Variants in COG1 observed in about 807,000 individuals in gnomAD.
The protein encoded by COG1 is component of oligomeric golgi complex 1.
A neutral mutation model predicts 102.2 loss-of-function variants in COG1; 61 were observed. The observed-to-expected ratio is 0.60, with a 90% confidence interval of 0.49 to 0.74. The LOEUF (loss-of-function observed/expected upper bound fraction) is 0.74, where lower values mean the gene tolerates loss of function less well. Ranked by LOEUF, COG1 falls within the 30% of genes least tolerant of loss-of-function variation. The pLI is 0.00. For synonymous variants in COG1, 454 were observed against 493.6 expected (o/e 0.92, Z 1.06); for missense variants, 1,164 against 1,232.1 (o/e 0.94, Z 0.83).
Position 73,196,668 on chromosome 17 carries a change from G to A in COG1, c.477G>A (p.Leu159=). ...GCCACCTCCACAGCCTGCTCCAGCTGGATTCTTCTAGTTCCCGATACAGTC... is the reference window on the plus strand; with the variant it reads ...GCCACCTCCACAGCCTGCTCCAGCTAGATTCTTCTAGTTCCCGATACAGTC... The part of the protein sequence containing the change: ...LCCHLHSLLQ[L]DSSSSRYSPV... Residue 159 remains leucine, a synonymous_variant, in exon 2 of 14, where the codon CTG becomes CTA. Coordinates refer to ENST00000299886, the MANE Select transcript of COG1 (RefSeq NM_018714.3). 1.2e-6 allele frequency: 2 copies of A among 1,614,150 alleles called. No homozygotes were observed. Among genetic ancestry groups the A allele is most frequent in the Non-Finnish European group, 1.7e-6 (2 of 1,180,034 alleles).
intron 1 of COG1, among the ~76,000 whole-genome samples, chr17:73,193,944 G>C (rs977905659): frequency 3.3e-5 from 5 of 152,004 alleles, no homozygotes; most frequent in Non-Finnish European, 5.9e-5. Flanking sequence ...CAAAGTGCTG[G>C]GATTACAGTC....
chr17:73,196,697 T>C lies in COG1; in HGVS notation c.506T>C (p.Val169Ala). 1 of 1,614,094 alleles carries C rather than the reference T, an allele frequency of 6.2e-7. No homozygotes were observed. ...TCTTCTAGTTCCCGATACAGTCCCG[T>C]CCTCTCCCGGTTTCCTATACTCATC... is the stretch of plus-strand genomic sequence containing the variant. ...LDSSSSRYSP[V>A]LSRFPILIRQ... Residue 169 changes from valine to alanine, a missense_variant, in exon 2 of 14, where the codon GTC (valine) becomes GCC (alanine). By Grantham distance (64) the Val-to-Ala change is moderately conservative. Transcript: ENST00000299886.
chr17:73,200,236 G>C (rs1163607533), intron 5 of COG1, among the ~76,000 whole-genome samples: 1 of 152,242 alleles, frequency 6.6e-6, no homozygotes, highest in Non-Finnish European at 1.5e-5. Context: ...CTTTCAAAAG[G>C]TTATGTGGGA....
At position 73,200,643 on chromosome 17, in the gene COG1, G is replaced by A. The variant is rs149528257; in HGVS notation, c.1148G>A (p.Arg383Gln). 1.5e-5 allele frequency: 24 copies of A among 1,614,012 alleles called. No individual in the cohort carries two copies. Among genetic ancestry groups the A allele is most frequent in the Middle Eastern group, 1.6e-4 (1 of 6,078 alleles). ...AGCATGAAGGGTCTCGCGGGAATCCGGGACGCCATGTGGGAGTTACTTACC... is the reference window on the plus strand; with the variant it reads ...AGCATGAAGGGTCTCGCGGGAATCCAGGACGCCATGTGGGAGTTACTTACC... ...VKSMKGLAGI[R>Q]DAMWELLTNE... The change falls in exon 6 of 14, where the codon CGG (arginine) becomes CAG (glutamine). Residue 383 changes from arginine (R) to glutamine (Q), a missense_variant. Physicochemically the swap from Arg to Gln is conservative, Grantham distance 43. Coordinates refer to ENST00000299886, the MANE Select transcript of COG1 (RefSeq NM_018714.3).
At chr17:73,196,256 G>A (rs1468676021) in intron 1 of COG1, among the ~76,000 whole-genome samples, 1 of 152,198 alleles carries the variant, frequency 6.6e-6, no homozygotes, top group East Asian at 1.9e-4. Flanking sequence ...CCTGGTGGGA[G>A]ACGAAAGTTT....
chr17:73,199,063 G>A (rs1179898762), intron 4 of COG1, among the ~76,000 whole-genome samples: 1 of 152,216 alleles, frequency 6.6e-6, no homozygotes, highest in Non-Finnish European at 1.5e-5. Flanking sequence ...TTAGAAAGCA[G>A]TACAAGGGGC....
intron 13 of COG1, 198 bp from the exon 14 acceptor site, chr17:73,208,116 A>G: frequency 1.4e-6 from 2 of 1,457,096 alleles, no homozygotes; most frequent in Non-Finnish European, 1.8e-6. Flanking sequence ...TCCAAATTCT[A>G]GTTTTGTCAC....
chr17:73,207,432 G>A lies in COG1; in HGVS notation c.2805+176G>A, dbSNP rs1465552143. The stretch of plus-strand genomic sequence containing the variant: ...AAGGTTTTACTAGCTTGAGCTACTA[G>A]AAGGTGTAAAAGATGCCCGCTGACA... On this transcript the variant is annotated intron_variant, in intron 13 of 13. Coordinates refer to ENST00000299886, the MANE Select transcript of COG1 (RefSeq NM_018714.3). 1.3e-5 allele frequency: 10 copies of A among 744,150 alleles called. No individual in the cohort carries two copies. In the African/African-American group the frequency reaches 1.4e-4, roughly 10 times the overall value. 46.1% of individuals were successfully genotyped at this position (744,150 alleles called of 1,614,324 possible). A position where few individuals can be genotyped will look rare whatever the true frequency, so the allele number is the denominator to read the frequency against.
chr17:73,199,053 T>A (rs921524242), intron 4 of COG1, among the ~76,000 whole-genome samples: 2 of 152,210 alleles, frequency 1.3e-5, no homozygotes, highest in African/African-American at 4.8e-5. Context: ...TGTCATGGCT[T>A]TAGAAAGCAG....
chr17:73,197,519 GC>G (rs1300337116), intron 4 of COG1, 123 bp downstream of exon 4: 7 of 1,039,158 alleles, frequency 6.7e-6, no homozygotes, highest in Admixed American at 4.0e-5. Context: ...ACAAATAGAG[GC>G]CCTTCCTTCA....
intron 13 of COG1, 169 bp from the exon 14 acceptor site, chr17:73,208,145 G>A (rs1001923742): frequency 3.8e-5 from 57 of 1,509,504 alleles, no homozygotes; most frequent in African/African-American, 5.5e-5. Flanking sequence ...ATGCTGTTCC[G>A]TGTCCTCTTC....
Position 73,201,705 on chromosome 17 carries a change from C to T in COG1, c.1878C>T (p.Pro626=). The T allele has an allele frequency of 1.2e-6, 2 of 1,614,194 alleles. No homozygotes were observed. The highest frequency in any genetic ancestry group is 2.2e-5 in the South Asian group (2 of 91,080). ...GCCAGTCCCTGGGAGAGCTGTGCCC[C>T]CATCTGAAGCAGTGCATCCTGGGAA... is the stretch of plus-strand genomic sequence containing the variant. The part of the protein sequence containing the change: ...RLCQSLGELC[P]HLKQCILGKS... Residue 626 remains proline, a synonymous_variant, in exon 7 of 14, where the codon CCC becomes CCT. Transcript: ENST00000299886.
chr17:73,194,656 G>T (rs1433670244), intron 1 of COG1, among the ~76,000 whole-genome samples: 1 of 151,900 alleles, frequency 6.6e-6, no homozygotes, highest in African/African-American at 2.4e-5. Context: ...TAGAGACGGG[G>T]TTTCACCATA....
At chr17:73,203,463 G>A in intron 8 of COG1, 169 bp from the exon 9 acceptor site, 1 of 828,106 alleles carries the variant, frequency 1.2e-6, no homozygotes. Context: ...ACAGCAAATT[G>A]CACTTAACCA....
At position 73,194,312 on chromosome 17, in the gene COG1, G is replaced by A. The variant is rs1170153528; in HGVS notation, c.315+928G>A. On this transcript the variant is annotated intron_variant, in intron 1 of 13. Coordinates refer to ENST00000299886, the MANE Select transcript of COG1 (RefSeq NM_018714.3). ...ACAAAATTAGCCAGGCGTGGTGGCC[G>A]GCGCCTGTAGTCCCAGCTACCTGGG... 1.4e-5 allele frequency among the ~76,000 whole-genome samples: 2 copies of A among 146,784 alleles called. 1 individual carries two copies. The highest frequency in any genetic ancestry group is 3.0e-5 in the Non-Finnish European group (2 of 65,804).
At position 73,197,238 on chromosome 17, in the gene COG1, A is replaced by T; in HGVS notation, c.755A>T (p.Lys252Met). 6.2e-7 allele frequency: 1 copy of T among 1,614,234 alleles called. No individual in the cohort carries two copies. The highest frequency in any genetic ancestry group is 1.1e-5 in the South Asian group (1 of 91,084). The part of the protein sequence containing the change: ...LNQPHHGAGI[K>M]AQICSLVELL... ...TTTCTTCTTTTAGGTGCTGGTATCA[A>T]GGCTCAGATTTGCTCATTAGTGGAG... is the stretch of plus-strand genomic sequence containing the variant. The change falls in exon 4 of 14, where the codon AAG (lysine) becomes ATG (methionine). Residue 252 changes from lysine to methionine, a missense_variant. Physicochemically the swap from Lys to Met is moderately conservative, Grantham distance 95. Coordinates refer to ENST00000299886, the MANE Select transcript of COG1 (RefSeq NM_018714.3).
chr17:73,202,908 C>A, intron 7 of COG1, 92 bp from the exon 8 acceptor site: 1 of 1,376,458 alleles, frequency 7.3e-7, no homozygotes, highest in Non-Finnish European at 1.0e-6. Context: ...ACTTCAGCAG[C>A]TTGAGCTGTT....
At chr17:73,196,048 TG>T (rs1198254547) in intron 1 of COG1, among the ~76,000 whole-genome samples, 1 of 152,238 alleles carries the variant, frequency 6.6e-6, no homozygotes, top group African/African-American at 2.4e-5. Flanking sequence ...GTTGTGGGTC[TG>T]GGAAGTCCAA....
chr17:73,200,024 A>G lies in COG1; in HGVS notation c.1070+3A>G, dbSNP rs201281586. On this transcript the variant is annotated splice_donor_region_variant and intron_variant, in intron 5 of 13. Transcript: ENST00000299886. ...ACGCTGCAGAAATGGATCCACATGT[A>G]AGTAACCAGAAAGAGCTTCCCTGCA... is the stretch of plus-strand genomic sequence containing the variant. 73 of 1,609,682 alleles carry G rather than the reference A, an allele frequency of 4.5e-5. No homozygotes were observed. In the East Asian group the frequency reaches 1.4e-3, roughly 31 times the overall value.
Sources: gnomAD v4.1 joint callset for allele counts (sites outside exome capture counted in the v4.1 genomes callset) on GRCh38, gnomAD v4.1.1 for gene constraint, MANE v1.5 for transcripts, NCBI Gene and HGNC (gene_info 2026-07-23, HGNC 2026-07-21) for gene names.